The following ASTN2 variants were observed in gnomAD, a reference collection of about 807,000 sequenced individuals.
The protein encoded by ASTN2 is astrotactin-2.
ASTN2 carries 54 observed loss-of-function variants against 139.8 expected under a neutral mutation model. The observed-to-expected ratio is 0.39, with a 90% CI of 0.31 to 0.48. The LOEUF is 0.48. Among genes scored for constraint, ASTN2 ranks in the 20% least tolerant of loss-of-function variants. ASTN2 has a pLI of 0.95. For missense variants in ASTN2, 1,565 were observed against 1,725.1 expected, an observed-to-expected ratio of 0.91 and a Z score of 1.64; for synonymous variants, 756 against 719.5, an observed-to-expected ratio of 1.05 and a Z score of -0.81.
chr9:116,691,670 G>A lies in ASTN2; in HGVS notation c.2806+34101C>T, dbSNP rs1248957047. 2.0e-5 allele frequency among the ~76,000 whole-genome samples: 3 copies of A among 152,234 alleles called. No homozygotes were observed. The East Asian group carries it at 5.8e-4, about 29-fold the overall frequency. ...GTTGAGTTTATCTTAGTTGTCTGCA[G>A]GTGCCTTAAATGCCCTGAGTAATCT... On this transcript the variant is annotated intron_variant, in intron 16 of 22. Coordinates refer to ENST00000313400, the MANE Select transcript of ASTN2 (RefSeq NM_001365068.1).
At chr9:116,925,241 T>C (rs1288652713) in intron 10 of ASTN2, among the ~76,000 whole-genome samples, 1 of 152,176 alleles carries the variant, frequency 6.6e-6, no homozygotes, top group African/African-American at 2.4e-5. Flanking sequence ...ACTACCATCA[T>C]CATATTAATA....
At chr9:116,550,654 G>T (rs1852303556) in intron 19 of ASTN2, among the ~76,000 whole-genome samples, 1 of 152,184 alleles carries the variant, frequency 6.6e-6, no homozygotes, top group Admixed American at 6.5e-5. Flanking sequence ...ACTCGTGAAA[G>T]AAATGAAGGC....
At chr9:116,908,808 A>G (rs1387114348) in intron 10 of ASTN2, among the ~76,000 whole-genome samples, 1 of 152,234 alleles carries the variant, frequency 6.6e-6, no homozygotes, top group Non-Finnish European at 1.5e-5. Context: ...CGTGTATAAT[A>G]TGTACATTAT....
intron 10 of ASTN2, among the ~76,000 whole-genome samples, chr9:116,968,485 C>T (rs1321302617): frequency 6.6e-6 from 1 of 152,116 alleles, no homozygotes; most frequent in Non-Finnish European, 1.5e-5. Flanking sequence ...AGGTGGTTAA[C>T]AGCTGAAAAA....
At chr9:116,682,765 C>T (rs528000902) in intron 16 of ASTN2, among the ~76,000 whole-genome samples, 1 of 152,218 alleles carries the variant, frequency 6.6e-6, no homozygotes, top group South Asian at 2.1e-4. Context: ...TCTCAGTAAA[C>T]TATCGTAAGA....
chr9:117,003,643 G>T (rs1239708321), intron 7 of ASTN2, among the ~76,000 whole-genome samples: 5 of 149,144 alleles, frequency 3.4e-5, no homozygotes, highest in Admixed American at 1.4e-4. Context: ...TTAGAATTAT[G>T]CCCTCAAGCC....
chr9:117,086,606 G>A (rs1384485084), intron 5 of ASTN2, among the ~76,000 whole-genome samples: 1 of 151,888 alleles, frequency 6.6e-6, no homozygotes, highest in Non-Finnish European at 1.5e-5. Flanking sequence ...AAACACCCAA[G>A]TCTTAGGACT....
intron 10 of ASTN2, among the ~76,000 whole-genome samples, chr9:116,911,964 AT>A (rs34500931): frequency 0.014 from 2,010 of 144,830 alleles, 25 homozygotes; most frequent in Non-Finnish European, 0.02. Flanking sequence ...TAAATCTAAA[AT>A]TAGTTAAAAA....
At chr9:117,369,340 T>A (rs539691888) in intron 1 of ASTN2, among the ~76,000 whole-genome samples, 1 of 152,158 alleles carries the variant, frequency 6.6e-6, no homozygotes, top group Non-Finnish European at 1.5e-5. Context: ...TTAATAATAA[T>A]AGCTACCATT....
At chr9:116,907,887 G>A (rs1834207927) in intron 10 of ASTN2, among the ~76,000 whole-genome samples, 1 of 152,096 alleles carries the variant, frequency 6.6e-6, no homozygotes, top group Non-Finnish European at 1.5e-5. Flanking sequence ...AGCCTTAGAG[G>A]TTCTGTCTTG....
intron 11 of ASTN2, among the ~76,000 whole-genome samples, chr9:116,847,007 C>CAAAAAAAA (rs11302692): frequency 2.0e-3 from 152 of 75,614 alleles, no homozygotes; most frequent in Middle Eastern, 7.9e-3. Flanking sequence ...GCTTCATTCT[C>CAAAAAAAA]AAAAAAAAAA....
At chr9:117,307,189 G>C (rs765204393) in intron 1 of ASTN2, among the ~76,000 whole-genome samples, 16 of 152,178 alleles carry the variant, frequency 1.1e-4, no homozygotes, top group Non-Finnish European at 1.5e-4. Flanking sequence ...GTACTTCCTT[G>C]TGAATCTATG....
At chr9:117,303,383 G>A (rs1834922870) in intron 1 of ASTN2, among the ~76,000 whole-genome samples, 1 of 152,154 alleles carries the variant, frequency 6.6e-6, no homozygotes, top group Non-Finnish European at 1.5e-5. Context: ...GGGACTCGGA[G>A]AGATTAAGAA....
intron 17 of ASTN2, among the ~76,000 whole-genome samples, chr9:116,646,828 C>T (rs1046036423): frequency 2.6e-5 from 4 of 152,212 alleles, no homozygotes; most frequent in African/African-American, 9.7e-5. Flanking sequence ...CTAACTTCTC[C>T]TGGCTTCCCC....
chr9:116,935,936 A>T (rs1275686614), intron 10 of ASTN2, among the ~76,000 whole-genome samples: 1 of 151,796 alleles, frequency 6.6e-6, no homozygotes, highest in African/African-American at 2.4e-5. Context: ...CAGGTGAGAC[A>T]TTGGGAAAGA....
chr9:117,395,815 GT>G (rs1407252310), intron 1 of ASTN2, among the ~76,000 whole-genome samples: 2 of 152,200 alleles, frequency 1.3e-5, no homozygotes, highest in African/African-American at 4.8e-5. Context: ...GAGAATGCCT[GT>G]TGAGGTGTGG....
At chr9:116,716,140 G>A (rs1234870261) in intron 16 of ASTN2, among the ~76,000 whole-genome samples, 1 of 152,134 alleles carries the variant, frequency 6.6e-6, no homozygotes, top group Non-Finnish European at 1.5e-5. Flanking sequence ...ATCTCTGTCT[G>A]GGACTGTGAC....
intron 10 of ASTN2, among the ~76,000 whole-genome samples, chr9:116,913,091 A>T (rs1834359456): frequency 6.6e-6 from 1 of 152,094 alleles, no homozygotes; most frequent in Non-Finnish European, 1.5e-5. Context: ...TTTAGTAGAA[A>T]CAGAGTTTCG....
intron 16 of ASTN2, among the ~76,000 whole-genome samples, chr9:116,654,810 G>T (rs1858116085): frequency 6.6e-6 from 1 of 152,162 alleles, no homozygotes; most frequent in Non-Finnish European, 1.5e-5. Flanking sequence ...TCACTGAGAA[G>T]AAATATAACT....
Sources: gnomAD v4.1 joint callset for allele counts (sites outside exome capture counted in the v4.1 genomes callset) on GRCh38, gnomAD v4.1.1 for gene constraint, MANE v1.5 for transcripts, NCBI Gene and HGNC (gene_info 2026-07-23, HGNC 2026-07-21) for gene names.